The following RIPOR2 variants were observed in gnomAD, a reference collection of about 807,000 sequenced individuals.
RIPOR2 encodes rho family-interacting cell polarization regulator 2.
Under a neutral mutation model 114.5 loss-of-function variants are expected in RIPOR2, and 39 were observed. That is an observed-to-expected ratio of 0.34 (90% CI 0.26 to 0.44). The LOEUF (loss-of-function observed/expected upper bound fraction) is 0.44. Ranked by LOEUF, RIPOR2 falls within the 20% of genes least tolerant of loss-of-function variation. RIPOR2 has a pLI of 1.00. For missense variants in RIPOR2, 1,007 were observed against 1,255.1 expected (o/e 0.80, Z 2.99); for synonymous variants, 445 against 484.4 (o/e 0.92, Z 1.07).
intron 1 of RIPOR2, among the ~76,000 whole-genome samples, chr6:24,999,897 C>G (rs543674272): frequency 1.3e-5 from 2 of 152,272 alleles, no homozygotes; most frequent in African/African-American, 4.8e-5. Context: ...GTGTCAAGAG[C>G]CTGGACACCA....
intron 21 of RIPOR2, among the ~76,000 whole-genome samples, chr6:24,809,216 A>T (rs531872557): frequency 2.0e-5 from 3 of 152,210 alleles, no homozygotes; most frequent in Non-Finnish European, 4.4e-5. Flanking sequence ...TAAGTACTCC[A>T]ATTCTTTTCT....
At chr6:24,951,300 T>C (rs368596640) in intron 1 of RIPOR2, among the ~76,000 whole-genome samples, 4 of 152,288 alleles carry the variant, frequency 2.6e-5, no homozygotes, top group African/African-American at 9.6e-5. Flanking sequence ...TTGTGTTGTC[T>C]TCTAAGTGCT....
chr6:24,996,240 A>G (rs1561833606), intron 1 of RIPOR2, among the ~76,000 whole-genome samples: 1 of 152,214 alleles, frequency 6.6e-6, no homozygotes, highest in Non-Finnish European at 1.5e-5. Flanking sequence ...TGGATCCTAC[A>G]TATTTTTCAG....
chr6:24,906,839 A>G (rs1769055265), intron 1 of RIPOR2, among the ~76,000 whole-genome samples: 1 of 151,936 alleles, frequency 6.6e-6, no homozygotes, highest in Non-Finnish European at 1.5e-5. Flanking sequence ...GGGTTTCACC[A>G]TGTTGCCCAG....
intron 1 of RIPOR2, among the ~76,000 whole-genome samples, chr6:24,899,540 G>A (rs1047919007): frequency 6.6e-6 from 1 of 152,182 alleles, no homozygotes; most frequent in African/African-American, 2.4e-5. Flanking sequence ...TAAACCATGC[G>A]TGAATTAACC....
At chr6:24,976,860 A>G in intron 1 of RIPOR2, 2 of 1,609,790 alleles carry the variant, frequency 1.2e-6, no homozygotes, top group Non-Finnish European at 1.7e-6. Flanking sequence ...GATGGCAAGC[A>G]TGTGGTCTTT....
chr6:24,808,441 A>G (rs7751848), intron 21 of RIPOR2, among the ~76,000 whole-genome samples: 113,444 of 152,150 alleles, frequency 0.75, 44,460 homozygotes, highest in East Asian at 0.88. Context: ...ACCATAAGGA[A>G]TAACTTTTAT....
chr6:25,023,738 A>C (rs9358823), intron 1 of RIPOR2: 1 of 789,986 alleles, frequency 1.3e-6, no homozygotes, highest in South Asian at 1.3e-5. Flanking sequence ...GTTCAGGTAC[A>C]TGAAGAACTC....
At chr6:24,945,704 T>C (rs1226841044) in intron 1 of RIPOR2, among the ~76,000 whole-genome samples, 2 of 152,170 alleles carry the variant, frequency 1.3e-5, no homozygotes, top group Admixed American at 1.3e-4. Flanking sequence ...TAAATTAAGA[T>C]GTTAATTGTA....
intron 6 of RIPOR2, among the ~76,000 whole-genome samples, chr6:24,866,138 AAC>A (rs1764576450): frequency 6.6e-6 from 1 of 152,208 alleles, no homozygotes; most frequent in Non-Finnish European, 1.5e-5. Flanking sequence ...ATTAGGGTAA[AAC>A]ACAATTATCT....
At chr6:24,888,340 T>G (rs967186234) in intron 1 of RIPOR2, among the ~76,000 whole-genome samples, 2 of 152,226 alleles carry the variant, frequency 1.3e-5, no homozygotes, top group African/African-American at 4.8e-5. Context: ...CCCTAGAGCT[T>G]GGCAACTCAT....
chr6:24,985,621 G>A (rs1224185251), intron 1 of RIPOR2, among the ~76,000 whole-genome samples: 5 of 152,186 alleles, frequency 3.3e-5, no homozygotes, highest in South Asian at 4.1e-4. Context: ...TCTATCCCCC[G>A]CTCCCTTCAC....
chr6:25,038,365 T>A (rs977917891), intron 1 of RIPOR2, among the ~76,000 whole-genome samples: 17 of 152,264 alleles, frequency 1.1e-4, no homozygotes, highest in African/African-American at 3.9e-4. Flanking sequence ...TGTGATTAGA[T>A]TATGTTATAT....
At chr6:24,847,579 G>T in intron 12 of RIPOR2, 1 of 1,551,712 alleles carries the variant, frequency 6.4e-7, no homozygotes, top group Non-Finnish European at 8.7e-7. Context: ...CGGCCTGAGG[G>T]AGGGCAGGTC....
Position 24,973,147 on chromosome 6 carries a change from T to C in RIPOR2, c.76+68704A>G, listed in dbSNP as rs562064213. Among the ~76,000 whole-genome samples the C allele has an allele frequency of 8.5e-5, 13 of 152,292 alleles. No individual in the cohort carries two copies. In the South Asian group the frequency reaches 2.7e-3, roughly 32 times the overall value. On this transcript the variant is annotated intron_variant, in intron 1 of 13. Coordinates refer to the RIPOR2 transcript ENST00000510784. ...AATAAACATTTCTCCAAAAAACATA[T>C]TTAAATAGTCAATTAGCTGCAGAGA... is the stretch of plus-strand genomic sequence containing the variant.
At chr6:24,898,950 G>GTT (rs10584291) in intron 1 of RIPOR2, among the ~76,000 whole-genome samples, 16 of 127,350 alleles carry the variant, frequency 1.3e-4, no homozygotes, top group Non-Finnish European at 2.0e-4. Flanking sequence ...TCAGGGAGTA[G>GTT]TTTTTTTTTT....
chr6:24,916,947 T>C (rs1770124133), intron 1 of RIPOR2, among the ~76,000 whole-genome samples: 1 of 152,136 alleles, frequency 6.6e-6, no homozygotes, highest in African/African-American at 2.4e-5. Flanking sequence ...TAAGGCTGCA[T>C]AGGTAGACAA....
chr6:24,892,716 A>G (rs770649776), intron 1 of RIPOR2, among the ~76,000 whole-genome samples: 29 of 152,138 alleles, frequency 1.9e-4, no homozygotes, highest in African/African-American at 2.7e-4. Flanking sequence ...AGGGCCTCAG[A>G]CTTCTTACTG....
intron 1 of RIPOR2, among the ~76,000 whole-genome samples, chr6:24,878,985 C>G (rs1036636241): frequency 9.8e-6 from 1 of 102,554 alleles, no homozygotes. Context: ...GAACAAATGT[C>G]TGTCCAGGAT....
Sources: allele counts gnomAD v4.1 joint callset (sites outside exome capture counted in the v4.1 genomes callset), GRCh38; gene constraint gnomAD v4.1.1; transcripts MANE v1.5; gene names NCBI Gene and HGNC (gene_info 2026-07-23, HGNC 2026-07-21).